Variants in XPR1 observed in about 807,000 individuals in gnomAD.
XPR1 encodes solute carrier family 53 member 1.
XPR1 carries 28 observed loss-of-function variants against 87.5 expected under a neutral mutation model. That is an observed-to-expected ratio of 0.32 (90% confidence interval 0.24 to 0.44). The LOEUF is 0.44. XPR1 is among the 20% of genes least tolerant of loss of function. The pLI, the probability that XPR1 is intolerant of heterozygous loss-of-function variation, is 1.00. For missense variants in XPR1, 559 were observed against 862.3 expected, an observed-to-expected ratio of 0.65 and a Z score of 4.41; for synonymous variants, 300 against 306.1, an observed-to-expected ratio of 0.98 and a Z score of 0.21.
At chr1:180,666,945 T>TC (rs1469494185) in intron 1 of XPR1, among the ~76,000 whole-genome samples, 1 of 151,902 alleles carries the variant, frequency 6.6e-6, no homozygotes, top group Admixed American at 6.6e-5. Context: ...TGACAAGGTC[T>TC]CACTCTGTCA....
At chr1:180,644,372 C>CTTTTAA (rs774958949) in intron 1 of XPR1, among the ~76,000 whole-genome samples, 18 of 147,984 alleles carry the variant, frequency 1.2e-4, no homozygotes, top group Non-Finnish European at 2.4e-4. Flanking sequence ...TTTTCCTATA[C>CTTTTAA]TTTTAATGTT....
chr1:180,736,934 A>G (rs982476992), intron 2 of XPR1, among the ~76,000 whole-genome samples: 1 of 152,198 alleles, frequency 6.6e-6, no homozygotes, highest in African/African-American at 2.4e-5. Context: ...ACTTAGGAAA[A>G]GAAGCGATGT....
At chr1:180,658,925 G>C (rs1655635446) in intron 1 of XPR1, among the ~76,000 whole-genome samples, 1 of 152,156 alleles carries the variant, frequency 6.6e-6, no homozygotes, top group African/African-American at 2.4e-5. Flanking sequence ...TTGATTTGTA[G>C]ATGTTGAACC....
In XPR1 at chr1:180,632,046, G is replaced by A. The variant is rs1654594238; in HGVS notation, c.-156G>A. The A allele has an allele frequency of 2.5e-6, 2 of 790,236 alleles. No homozygotes were observed. The highest frequency in any genetic ancestry group is 1.7e-5 in the African/African-American group (1 of 58,420). The allele number at this position is 790,236 out of a possible 1,614,324, so 49.0% of individuals were successfully genotyped here. A position where few individuals can be genotyped will look rare whatever the true frequency, so the allele number is the denominator to read the frequency against. ...TATGGAGAGGAGGAGGAAGATGGCG[G>A]GCGGGCTGCTCTGAAGAGACCTCGG... On this transcript the variant is annotated 5_prime_UTR_variant, in exon 1 of 15. Transcript: ENST00000367590.
chr1:180,661,511 G>A (rs992726423), intron 1 of XPR1, among the ~76,000 whole-genome samples: 6 of 128,482 alleles, frequency 4.7e-5, no homozygotes, highest in Non-Finnish European at 1.0e-4. Flanking sequence ...GTGTGTGTGT[G>A]TGTGTGTGGT....
At chr1:180,763,246 A>G (rs1648122078) in intron 2 of XPR1, among the ~76,000 whole-genome samples, 2 of 152,216 alleles carry the variant, frequency 1.3e-5, no homozygotes, top group African/African-American at 4.8e-5. Flanking sequence ...AGGTTTGCAG[A>G]AGGAGTTTAG....
chr1:180,809,856 C>T (rs1450199419), intron 6 of XPR1, among the ~76,000 whole-genome samples: 2 of 152,072 alleles, frequency 1.3e-5, no homozygotes, highest in African/African-American at 4.8e-5. Flanking sequence ...CTAAAGGTAA[C>T]TTTTTATCTT....
intron 2 of XPR1, among the ~76,000 whole-genome samples, chr1:180,770,386 T>A (rs1648466808): frequency 6.6e-6 from 1 of 152,160 alleles, no homozygotes; most frequent in South Asian, 2.1e-4. Flanking sequence ...CCTTGATTTG[T>A]GCATGTGGAG....
chr1:180,872,681 A>ACGGTG (rs1652540398), intron 12 of XPR1, among the ~76,000 whole-genome samples: 1 of 138,346 alleles, frequency 7.2e-6, no homozygotes. Context: ...CGGCTCGCGC[A>ACGGTG]CGGTGCGCAC....
At chr1:180,767,135 A>G (rs1648318028) in intron 2 of XPR1, among the ~76,000 whole-genome samples, 1 of 152,188 alleles carries the variant, frequency 6.6e-6, no homozygotes, top group African/African-American at 2.4e-5. Flanking sequence ...GGGGAGGGGA[A>G]TCCTACTAAT....
Position 180,835,062 on chromosome 1 carries a change from C to T in XPR1, c.1306+17C>T. The T allele has an allele frequency of 6.2e-7, 1 of 1,611,706 alleles. No individual in the cohort carries two copies. The highest frequency in any genetic ancestry group is 8.5e-7 in the Non-Finnish European group (1 of 1,178,694). The stretch of plus-strand genomic sequence containing the variant: ...ATTCAGAAGGTAGGGTATGAATTTG[C>T]ATCTATACTACTAAATCGCTGGTGT... On this transcript the variant is annotated intron_variant, in intron 10 of 14. Coordinates refer to ENST00000367590, the MANE Select transcript of XPR1 (RefSeq NM_004736.4).
At chr1:180,707,108 C>T (rs925954911) in intron 2 of XPR1, among the ~76,000 whole-genome samples, 14 of 152,154 alleles carry the variant, frequency 9.2e-5, no homozygotes, top group Middle Eastern at 3.4e-3. Context: ...ACAAAAATAA[C>T]GGTCAGAATA....
intron 7 of XPR1, among the ~76,000 whole-genome samples, chr1:180,816,364 A>G (rs1330633535): frequency 1.3e-5 from 2 of 152,118 alleles, no homozygotes; most frequent in African/African-American, 4.8e-5. Context: ...TCAGGAAGTA[A>G]TGCTCTCTCA....
chr1:180,764,439 T>A (rs957484735), intron 2 of XPR1, among the ~76,000 whole-genome samples: 8 of 151,926 alleles, frequency 5.3e-5, no homozygotes, highest in Non-Finnish European at 1.0e-4. Context: ...TTTTTTTTTT[T>A]AAACTGTTAA....
intron 2 of XPR1, among the ~76,000 whole-genome samples, chr1:180,685,744 A>G (rs752291733): frequency 4.6e-5 from 7 of 151,986 alleles, no homozygotes; most frequent in Admixed American, 3.9e-4. Context: ...GAATTTATCC[A>G]TTTCTTCTAG....
intron 2 of XPR1, among the ~76,000 whole-genome samples, chr1:180,689,103 C>G (rs367755654): frequency 6.6e-6 from 1 of 151,928 alleles, no homozygotes; most frequent in African/African-American, 2.4e-5. Context: ...ACCAAGGTAA[C>G]GGAACTAAGA....
At chr1:180,753,319 G>T (rs1159694646) in intron 2 of XPR1, among the ~76,000 whole-genome samples, 1 of 152,058 alleles carries the variant, frequency 6.6e-6, no homozygotes, top group East Asian at 1.9e-4. Flanking sequence ...AATCCCAGCA[G>T]TTTGGGAGGC....
intron 2 of XPR1, among the ~76,000 whole-genome samples, chr1:180,702,385 G>T (rs900311534): frequency 4.7e-5 from 7 of 148,828 alleles, no homozygotes; most frequent in African/African-American, 1.5e-4. Context: ...AATAGGTGTG[G>T]TGTGGTGCTG....
chr1:180,880,908 G>T (rs1368960580), intron 14 of XPR1, among the ~76,000 whole-genome samples: 2 of 152,148 alleles, frequency 1.3e-5, no homozygotes, highest in African/African-American at 4.8e-5. Context: ...TATGGTGACT[G>T]CATATGAAAT....
Sources: gnomAD v4.1 joint callset for allele counts (sites outside exome capture counted in the v4.1 genomes callset) on GRCh38, gnomAD v4.1.1 for gene constraint, MANE v1.5 for transcripts, NCBI Gene and HGNC (gene_info 2026-07-23, HGNC 2026-07-21) for gene names.